DNTT: variants seen among roughly 807,000 people sequenced by gnomAD.
DNTT encodes the protein nucleosidetriphosphate:DNA deoxynucleotidylexotransferase.
DNTT carries 47 observed loss-of-function variants against 60.9 expected under a neutral mutation model. The observed-to-expected ratio is 0.77, with a 90% CI of 0.61 to 0.98. The LOEUF is 0.98. Among genes scored for constraint, DNTT ranks in the 50% least tolerant of loss-of-function variants. The pLI, the probability that DNTT is intolerant of heterozygous loss-of-function variation, is 0.00. For missense variants in DNTT, 665 were observed against 627.5 expected, an observed-to-expected ratio of 1.06 and a Z score of -0.64; for synonymous variants, 224 against 221.2, an observed-to-expected ratio of 1.01 and a Z score of -0.11.
intron 1 of DNTT, among the ~76,000 whole-genome samples, chr10:96,314,163 C>T (rs1027263873): frequency 2.6e-5 from 4 of 152,138 alleles, no homozygotes; most frequent in African/African-American, 7.2e-5. Flanking sequence ...AGGTGCTATT[C>T]CATCTGTATT....
intron 1 of DNTT, among the ~76,000 whole-genome samples, chr10:96,305,376 G>T (rs929235827): frequency 2.6e-5 from 4 of 152,142 alleles, no homozygotes; most frequent in Admixed American, 2.0e-4. Flanking sequence ...ACCTAGATTG[G>T]TTCACTCACT....
chr10:96,316,783 T>C (rs1017956745), intron 1 of DNTT, among the ~76,000 whole-genome samples: 13 of 152,236 alleles, frequency 8.5e-5, no homozygotes, highest in Admixed American at 5.2e-4. Context: ...CAGATCTTCA[T>C]GCCTCATGTC....
Position 96,338,374 on chromosome 10 carries a change from G to A in DNTT, c.*150G>A. 3.1e-6 allele frequency: 2 copies of A among 654,656 alleles called. No individual in the cohort carries two copies. Among genetic ancestry groups the A allele is most frequent in the East Asian group, 2.9e-5 (1 of 34,600 alleles). 40.6% of individuals were successfully genotyped at this position (654,656 alleles called of 1,614,324 possible). On this transcript the variant is annotated 3_prime_UTR_variant, in exon 11 of 11. Transcript: ENST00000371174. ...AGAAATAAATAACTTTGGAAACATG[G>A]GAAGGTGCCACTGGTAATGGGTAAG...
rs1844868932 is a variant in DNTT at position 96,321,191 on chromosome 10, A to G, written c.678+403A>G. Among the ~76,000 whole-genome samples the G allele has an allele frequency of 2.6e-5, 4 of 152,156 alleles. No homozygotes were observed. In the South Asian group the frequency reaches 8.3e-4, roughly 32 times the overall value. ...AAAAAGAGACTGAGGCAAGTTTCAG[A>G]GCAGGAGTGGAAGTTTATTAAAAAG... is the stretch of plus-strand genomic sequence containing the variant. On this transcript the variant is annotated intron_variant, in intron 4 of 10. Transcript: ENST00000371174.
At chr10:96,307,930 G>A (rs1288179871) in intron 1 of DNTT, among the ~76,000 whole-genome samples, 2 of 151,460 alleles carry the variant, frequency 1.3e-5, no homozygotes, top group Non-Finnish European at 2.9e-5. Context: ...GGCCATGCCC[G>A]GCTAATTTTT....
intron 4 of DNTT, among the ~76,000 whole-genome samples, chr10:96,321,638 A>G (rs1177310268): frequency 6.6e-6 from 1 of 152,072 alleles, no homozygotes; most frequent in African/African-American, 2.4e-5. Context: ...AGTTGTGACT[A>G]ATCATTTTAT....
At chr10:96,314,444 G>A (rs1489286436) in intron 1 of DNTT, among the ~76,000 whole-genome samples, 6 of 58,410 alleles carry the variant, frequency 1.0e-4, no homozygotes, top group South Asian at 5.6e-4. Context: ...ATGGAGTTTC[G>A]CTCTGTCGCC....
At position 96,318,416 on chromosome 10, in the gene DNTT, G is replaced by A; in HGVS notation, c.268G>A (p.Ala90Thr). 1 of 1,613,792 alleles carries A rather than the reference G, an allele frequency of 6.2e-7. No homozygotes were observed. Among genetic ancestry groups the A allele is most frequent in the Non-Finnish European group, 8.5e-7 (1 of 1,179,798 alleles). Residue 90 changes from alanine (A) to threonine (T), a missense_variant, in exon 2 of 11, where the codon GCA (alanine) becomes ACA (threonine). By Grantham distance (58) the Ala-to-Thr change is moderately conservative (BLOSUM62 0). Coordinates refer to ENST00000371174, the MANE Select transcript of DNTT (RefSeq NM_004088.4). ...TTCGGATGTTCTGGAGTGGCTTCAAGCACAGAAAGTACAAGTCAGCTCACA... is the reference window on the plus strand; with the variant it reads ...TTCGGATGTTCTGGAGTGGCTTCAAACACAGAAAGTACAAGTCAGCTCACA... ...SGSDVLEWLQ[A>T]QKVQVSSQPE... is the part of the protein sequence containing the mutation.
In DNTT at chr10:96,327,551, TG is replaced by T; in HGVS notation, c.961del (p.Ala321HisfsTer10). The T allele has an allele frequency of 6.2e-6, 10 of 1,614,102 alleles. No homozygotes were observed. Among genetic ancestry groups the T allele is most frequent in the East Asian group, 2.2e-5 (1 of 44,888 alleles). ...AVSVLVKEAV[W>X]AFLPDAFVTM... ...CAGTGTGCTGGTTAAAGAGGCTGTC[TG>T]GGCATTTCTTCCGGATGCTTTCGTC... On this transcript the variant is annotated frameshift_variant, in exon 7 of 11. Transcript: ENST00000371174. LOFTEE classifies it high-confidence loss of function.
At chr10:96,313,438 A>T (rs772328302) in intron 1 of DNTT, among the ~76,000 whole-genome samples, 1 of 152,220 alleles carries the variant, frequency 6.6e-6, no homozygotes, top group Non-Finnish European at 1.5e-5. Context: ...AAAATGAGAA[A>T]ATAAAGAAAA....
rs1188900079 is a variant in DNTT at position 96,308,002 on chromosome 10, C to T, written c.203+3302C>T. Among the ~76,000 whole-genome samples the T allele has an allele frequency of 3.9e-5, 6 of 152,012 alleles. No individual in the cohort carries two copies. The East Asian group carries it at 9.7e-4, about 25-fold the overall frequency. On this transcript the variant is annotated intron_variant, in intron 1 of 10. Transcript: ENST00000371174. ...TTTGGACTCCTAGCTCCTGCCTTCACCTCCCAAAGGATTACAGGTGTGAGC... is the reference window on the plus strand; with the variant it reads ...TTTGGACTCCTAGCTCCTGCCTTCATCTCCCAAAGGATTACAGGTGTGAGC...
intron 1 of DNTT, among the ~76,000 whole-genome samples, chr10:96,305,946 C>T (rs1844629400): frequency 6.6e-6 from 1 of 152,140 alleles, no homozygotes; most frequent in African/African-American, 2.4e-5. Context: ...CCTACAGCCA[C>T]TCTGAATCTC....
intron 6 of DNTT, among the ~76,000 whole-genome samples, chr10:96,325,093 A>G (rs953575459): frequency 6.6e-6 from 1 of 152,210 alleles, no homozygotes; most frequent in Non-Finnish European, 1.5e-5. Context: ...TGAGGCTCCC[A>G]GTAAGTTTTT....
Position 96,309,703 on chromosome 10 carries a change from C to G in DNTT, c.203+5003C>G, listed in dbSNP as rs1343892024. ...TTCCACCTGAATGTTGGTAAAGACT[C>G]TCTCCTTGACTAAACTGTAGCATGG... is the stretch of plus-strand genomic sequence containing the variant. On this transcript the variant is annotated intron_variant, in intron 1 of 10. Coordinates refer to ENST00000371174, the MANE Select transcript of DNTT (RefSeq NM_004088.4). 2.6e-5 allele frequency among the ~76,000 whole-genome samples: 4 copies of G among 152,250 alleles called. No individual in the cohort carries two copies. The East Asian group carries it at 5.8e-4, about 22-fold the overall frequency.
At chr10:96,325,269 A>G (rs1303310342) in intron 6 of DNTT, among the ~76,000 whole-genome samples, 1 of 152,240 alleles carries the variant, frequency 6.6e-6, no homozygotes, top group Non-Finnish European at 1.5e-5. Flanking sequence ...AAGATTGCTA[A>G]TAATACAATG....
chr10:96,323,806 A>G (rs7908144), intron 5 of DNTT, among the ~76,000 whole-genome samples: 149,657 of 152,286 alleles, frequency 0.98, 73,595 homozygotes, highest in Middle Eastern at 1. Context: ...TAAACAGACC[A>G]GGGTTTAAGT....
chr10:96,319,057 A>G (rs1221904659), intron 2 of DNTT, among the ~76,000 whole-genome samples: 2 of 152,324 alleles, frequency 1.3e-5, no homozygotes, highest in East Asian at 1.9e-4. Flanking sequence ...TTTAATTGAT[A>G]GGTCTTTTCA....
At chr10:96,319,427 AG>A in intron 3 of DNTT, 37 bp downstream of exon 3, 3 of 1,605,454 alleles carry the variant, frequency 1.9e-6, no homozygotes, top group Non-Finnish European at 2.6e-6. Context: ...GGGCAAACGA[AG>A]GGCTTGCAGC....
chr10:96,331,206 T>C (rs542613564), intron 8 of DNTT, among the ~76,000 whole-genome samples: 1 of 152,284 alleles, frequency 6.6e-6, no homozygotes, highest in East Asian at 1.9e-4. Flanking sequence ...TACCTAGAAA[T>C]AGCAAGTCAT....
Sources: gnomAD v4.1 joint callset for allele counts (sites outside exome capture counted in the v4.1 genomes callset) on GRCh38, gnomAD v4.1.1 for gene constraint, MANE v1.5 for transcripts, NCBI Gene and HGNC (gene_info 2026-07-23, HGNC 2026-07-21) for gene names.